COLEC12: variants seen among roughly 807,000 people sequenced by gnomAD.
COLEC12 encodes collectin-12.
In COLEC12, 33 loss-of-function variants were observed where a neutral mutation model predicts 71.1. That is an observed-to-expected ratio of 0.46 (90% CI 0.35 to 0.62). The LOEUF (loss-of-function observed/expected upper bound fraction) is 0.62. Ranked by LOEUF, COLEC12 falls within the 20% of genes least tolerant of loss-of-function variation. The pLI is 0.00. For synonymous variants in COLEC12, 350 were observed against 353.0 expected (o/e 0.99, Z 0.10); for missense variants, 765 against 916.1 (o/e 0.84, Z 2.13).
chr18:324,030 T>C (rs1913777394), intron 8 of COLEC12, among the ~76,000 whole-genome samples: 1 of 152,120 alleles, frequency 6.6e-6, no homozygotes, highest in African/African-American at 2.4e-5. Flanking sequence ...AAAAGCAGAA[T>C]GCAGTTCTGT....
intron 2 of COLEC12, among the ~76,000 whole-genome samples, chr18:438,284 C>T (rs1341203191): frequency 8.5e-5 from 13 of 152,216 alleles, no homozygotes; most frequent in East Asian, 7.7e-4. Flanking sequence ...CTCTTATCTT[C>T]GAAGTTGACA....
chr18:428,258 C>T (rs904493447), intron 2 of COLEC12, among the ~76,000 whole-genome samples: 13 of 144,744 alleles, frequency 9.0e-5, no homozygotes, highest in Admixed American at 6.2e-4. Flanking sequence ...AGTGAAACTC[C>T]GTCTCAAAAA....
At chr18:354,883 G>A (rs1359116055) in intron 3 of COLEC12, among the ~76,000 whole-genome samples, 1 of 152,076 alleles carries the variant, frequency 6.6e-6, no homozygotes, top group Non-Finnish European at 1.5e-5. Flanking sequence ...TGGTGAGACT[G>A]CCCCCACAGA....
chr18:472,701 A>AAAAAAAAAAAAG (rs1555622344), intron 2 of COLEC12, among the ~76,000 whole-genome samples: 1 of 144,184 alleles, frequency 6.9e-6, no homozygotes, highest in Non-Finnish European at 1.5e-5. Context: ...AAAAAAAAAA[A>AAAAAAAAAAAAG]AAGAAGAAGA....
intron 2 of COLEC12, among the ~76,000 whole-genome samples, chr18:456,656 T>G (rs1219928223): frequency 1.3e-5 from 2 of 152,232 alleles, no homozygotes; most frequent in South Asian, 4.1e-4. Context: ...CAGCTGATGT[T>G]GTGTTTTGAG....
At chr18:470,716 C>T (rs1355913117) in intron 2 of COLEC12, among the ~76,000 whole-genome samples, 1 of 152,166 alleles carries the variant, frequency 6.6e-6, no homozygotes, top group Non-Finnish European at 1.5e-5. Context: ...GATCATGCCA[C>T]TGAACTCTAG....
Position 335,241 on chromosome 18 carries a change from A to C in COLEC12, c.1328-11T>G, listed in dbSNP as rs775244397. On this transcript the variant is annotated splice_polypyrimidine_tract_variant and intron_variant, in intron 5 of 9. Coordinates refer to ENST00000400256, the MANE Select transcript of COLEC12 (RefSeq NM_130386.3). ...TGGGGCCCGGTGGACCTAAAGCATA[A>C]AAGAAAAAGGTGTCAACATGAAATC... The C allele has an allele frequency of 3.2e-6, 5 of 1,568,712 alleles. No homozygotes were observed. The highest frequency in any genetic ancestry group is 1.7e-6 in the Non-Finnish European group (2 of 1,168,458).
chr18:477,250 A>C (rs1237695951), intron 2 of COLEC12, among the ~76,000 whole-genome samples: 1 of 152,216 alleles, frequency 6.6e-6, no homozygotes, highest in Non-Finnish European at 1.5e-5. Flanking sequence ...TTATTATGTA[A>C]ACAGCCTTGA....
At chr18:409,066 C>T (rs4569367) in intron 2 of COLEC12, among the ~76,000 whole-genome samples, 2,627 of 152,000 alleles carry the variant, frequency 0.017, 44 homozygotes, top group African/African-American at 0.043. Context: ...AAACTCCTGA[C>T]CTCAAGTGAT....
intron 1 of COLEC12, among the ~76,000 whole-genome samples, chr18:499,828 G>A (rs1254327844): frequency 1.3e-5 from 2 of 152,314 alleles, no homozygotes; most frequent in East Asian, 1.9e-4. Flanking sequence ...ACACCGCGCA[G>A]GGGGCGACTA....
chr18:413,337 C>T (rs1207195854), intron 2 of COLEC12, among the ~76,000 whole-genome samples: 1 of 152,172 alleles, frequency 6.6e-6, no homozygotes, highest in Non-Finnish European at 1.5e-5. Flanking sequence ...ACATAAAAAA[C>T]GGTGACCCCA....
chr18:424,180 C>A (rs575591209), intron 2 of COLEC12: 2 of 152,252 alleles, frequency 1.3e-5, no homozygotes. Context: ...GTGACCCTTC[C>A]GCCTTACATC....
chr18:358,647 C>T (rs1052157956), intron 2 of COLEC12, among the ~76,000 whole-genome samples: 40 of 152,192 alleles, frequency 2.6e-4, no homozygotes, highest in African/African-American at 8.7e-4. Context: ...TTCACTCACT[C>T]GCCCACTGCT....
chr18:368,687 AC>A, intron 2 of COLEC12, among the ~76,000 whole-genome samples: 1 of 150,740 alleles, frequency 6.6e-6, no homozygotes, highest in Middle Eastern at 3.4e-3. Flanking sequence ...ACATGGTGAA[AC>A]CCCGTCTCCA....
intron 3 of COLEC12, among the ~76,000 whole-genome samples, chr18:354,757 T>A (rs1420215329): frequency 6.6e-6 from 1 of 152,042 alleles, no homozygotes. Context: ...TGTATTATCT[T>A]TTTTTTGGTC....
intron 2 of COLEC12, among the ~76,000 whole-genome samples, chr18:465,714 A>G (rs1346809121): frequency 6.6e-6 from 1 of 152,198 alleles, no homozygotes; most frequent in African/African-American, 2.4e-5. Context: ...CAAAAAATAA[A>G]ATAAATTCAA....
chr18:351,841 C>G (rs892121417), intron 3 of COLEC12, among the ~76,000 whole-genome samples: 4 of 152,118 alleles, frequency 2.6e-5, no homozygotes, highest in Non-Finnish European at 5.9e-5. Context: ...CCCATTAACT[C>G]GTCAATTTTT....
chr18:368,689 C>A (rs1010019216), intron 2 of COLEC12, among the ~76,000 whole-genome samples: 1 of 150,370 alleles, frequency 6.7e-6, no homozygotes, highest in Non-Finnish European at 1.5e-5. Context: ...ATGGTGAAAC[C>A]CCGTCTCCAC....
intron 8 of COLEC12, among the ~76,000 whole-genome samples, chr18:323,095 G>T (rs60588786): frequency 0.081 from 12,276 of 152,142 alleles, 532 homozygotes; most frequent in Middle Eastern, 0.12. Flanking sequence ...CATGGTGGCA[G>T]GCACCTGTAG....
Sources: gnomAD v4.1 joint callset for allele counts (sites outside exome capture counted in the v4.1 genomes callset) on GRCh38, gnomAD v4.1.1 for gene constraint, MANE v1.5 for transcripts, NCBI Gene and HGNC (gene_info 2026-07-23, HGNC 2026-07-21) for gene names.